Variants in CD163 observed in about 807,000 individuals in gnomAD.
CD163 encodes scavenger receptor cysteine-rich type 1 protein M130.
CD163 carries 64 observed loss-of-function variants against 129.2 expected under a neutral mutation model. The ratio of observed to expected loss-of-function variants is 0.50; its 90% CI spans 0.41 to 0.61. The LOEUF (loss-of-function observed/expected upper bound fraction) is 0.61. Ranked by LOEUF, CD163 falls within the 20% of genes least tolerant of loss-of-function variation. CD163 has a pLI of 0.00. For missense variants in CD163, 1,061 were observed against 1,377.9 expected (o/e 0.77, Z 3.64); for synonymous variants, 446 against 478.5 (o/e 0.93, Z 0.89).
At chr12:7,478,618 T>C (rs1203508675) in intron 16 of CD163, among the ~76,000 whole-genome samples, 3 of 152,084 alleles carry the variant, frequency 2.0e-5, no homozygotes, top group Non-Finnish European at 4.4e-5. Flanking sequence ...TATCTATGTG[T>C]GTATATATAT....
intron 11 of CD163, 166 bp from the exon 12 acceptor site, chr12:7,483,841 A>ATATATATATATATATATATTT: frequency 9.1e-6 from 1 of 109,990 alleles, no homozygotes; most frequent in African/African-American, 3.8e-5. Flanking sequence ...ATATATATAT[A>ATATATATATATATATATATTT]TTTTTTTTTT....
chr12:7,477,848 T>C (rs921927436), intron 16 of CD163, among the ~76,000 whole-genome samples: 1 of 152,188 alleles, frequency 6.6e-6, no homozygotes, highest in Admixed American at 6.6e-5. Context: ...GGAAAAGTAG[T>C]TCAATTATCA....
chr12:7,471,842 T>A (rs1262994679), intron 16 of CD163: 1 of 152,226 alleles, frequency 6.6e-6, no homozygotes, highest in Non-Finnish European at 1.5e-5. Context: ...CACGAACTAC[T>A]GACTTGAAAT....
chr12:7,492,078 C>A (rs1483192711), intron 6 of CD163, among the ~76,000 whole-genome samples: 1 of 152,040 alleles, frequency 6.6e-6, no homozygotes, highest in Non-Finnish European at 1.5e-5. Context: ...AGTATGTCAT[C>A]ATTGAAAGTA....
At chr12:7,497,552 C>A (rs1267832632) in intron 4 of CD163, among the ~76,000 whole-genome samples, 1 of 152,176 alleles carries the variant, frequency 6.6e-6, no homozygotes, top group African/African-American at 2.4e-5. Context: ...ATTGATACTA[C>A]CTAGCCTGTG....
chr12:7,487,333 T>C lies in CD163; in HGVS notation c.2050+26A>G, dbSNP rs1201254698. Reference sequence around the variant, plus strand: ...TATGTACACCTTCTCTTAAGACCCATCACTGGCTGCCCGTCATCCTCTTAC... The same window carrying C: ...TATGTACACCTTCTCTTAAGACCCACCACTGGCTGCCCGTCATCCTCTTAC... On this transcript the variant is annotated intron_variant, in intron 8 of 16. Coordinates refer to ENST00000432237, the MANE Select transcript of CD163 (RefSeq NM_203416.4). This position sits in a 1 kb window ranked among gnomAD's most constrained non-coding sequence, Gnocchi z 5.1. 2 of 1,543,884 alleles carry C rather than the reference T, an allele frequency of 1.3e-6. No homozygotes were observed. The highest frequency in any genetic ancestry group is 1.7e-6 in the Non-Finnish European group (2 of 1,148,364).
chr12:7,482,901 T>G (rs1297850827), intron 13 of CD163, 65 bp downstream of exon 13: 29 of 1,597,310 alleles, frequency 1.8e-5, no homozygotes, highest in Non-Finnish European at 2.3e-5. Context: ...ACCTAAAATT[T>G]CTAAACAAGA....
chr12:7,499,541 A>C (rs1465111583), intron 3 of CD163, among the ~76,000 whole-genome samples: 1 of 152,220 alleles, frequency 6.6e-6, no homozygotes, highest in East Asian at 1.9e-4. Context: ...TAAAGCTTTA[A>C]GTGTATAAAT....
chr12:7,480,113 T>A, intron 15 of CD163, 200 bp from the exon 16 acceptor site: 1 of 891,684 alleles, frequency 1.1e-6, no homozygotes, highest in Non-Finnish European at 1.7e-6. Context: ...ATGTGTGATT[T>A]AAGGGGCAGA....
intron 4 of CD163, among the ~76,000 whole-genome samples, chr12:7,498,434 C>G (rs1166672462): frequency 6.6e-6 from 1 of 152,068 alleles, no homozygotes; most frequent in East Asian, 1.9e-4. Flanking sequence ...ATTCTGTGAA[C>G]TTGAAAAATG....
chr12:7,500,651 C>T (rs983694730), intron 3 of CD163, among the ~76,000 whole-genome samples: 4 of 152,106 alleles, frequency 2.6e-5, no homozygotes, highest in African/African-American at 9.7e-5. Context: ...AGCAATTATA[C>T]TTTCAAAGAA....
intron 6 of CD163, among the ~76,000 whole-genome samples, chr12:7,489,360 C>T (rs1026412926): frequency 1.3e-5 from 2 of 151,982 alleles, no homozygotes; most frequent in Admixed American, 6.6e-5. Flanking sequence ...GAAATTTATG[C>T]CATGATTATA....
chr12:7,491,818 G>C (rs747997246), intron 6 of CD163, among the ~76,000 whole-genome samples: 6 of 152,172 alleles, frequency 3.9e-5, no homozygotes, highest in African/African-American at 1.4e-4. Context: ...GTCCTCTACA[G>C]TACATACACA....
chr12:7,499,004 A>G lies in CD163; in HGVS notation c.642T>C (p.Phe214=). The stretch of plus-strand genomic sequence containing the variant: ...ACCAGATTGGTCCAGAGCCTTCTCC[A>G]AAATTAGATGAACCAGAGAAACTGA... ...SAVSFSGSSN[F]GEGSGPIWFD... is the part of the protein sequence containing the mutation. The change falls in exon 4 of 17, where the codon TTT becomes TTC. Residue 214 remains phenylalanine (F), a synonymous_variant. Coordinates refer to ENST00000432237, the MANE Select transcript of CD163 (RefSeq NM_203416.4). 1 of 1,614,182 alleles carries G rather than the reference A, an allele frequency of 6.2e-7. No homozygotes were observed. The highest frequency in any genetic ancestry group is 8.5e-7 in the Non-Finnish European group (1 of 1,180,022).
chr12:7,481,276 G>A lies in CD163; in HGVS notation c.3248-20C>T. ...AGGAAACTGAAAACAGAGATCCCTAGGTTAGGGATCAGCTATCATAATAAA... is the reference window on the plus strand; with the variant it reads ...AGGAAACTGAAAACAGAGATCCCTAAGTTAGGGATCAGCTATCATAATAAA... On this transcript the variant is annotated intron_variant, in intron 14 of 16. Coordinates refer to ENST00000432237, the MANE Select transcript of CD163 (RefSeq NM_203416.4). 1 of 1,562,882 alleles carries A rather than the reference G, an allele frequency of 6.4e-7. No homozygotes were observed. The highest frequency in any genetic ancestry group is 8.8e-7 in the Non-Finnish European group (1 of 1,133,282).
chr12:7,484,514 C>G (rs1455771839), intron 11 of CD163, among the ~76,000 whole-genome samples: 1 of 151,936 alleles, frequency 6.6e-6, no homozygotes, highest in South Asian at 2.1e-4. Context: ...TGGCTCATGC[C>G]TGTAATCCCA....
intron 16 of CD163, among the ~76,000 whole-genome samples, chr12:7,472,890 G>A (rs1057236405): frequency 6.6e-6 from 1 of 152,128 alleles, no homozygotes; most frequent in African/African-American, 2.4e-5. Flanking sequence ...ATGACCTGAT[G>A]GAGCTGAAAA....
intron 6 of CD163, among the ~76,000 whole-genome samples, chr12:7,489,952 T>C (rs1238626999): frequency 1.3e-5 from 2 of 152,068 alleles, no homozygotes; most frequent in African/African-American, 4.8e-5. Flanking sequence ...TGTGCCTCTG[T>C]AGAAACTTTT....
chr12:7,484,992 T>C, intron 11 of CD163, 104 bp downstream of exon 11: 3 of 1,029,918 alleles, frequency 2.9e-6, no homozygotes, highest in Non-Finnish European at 4.3e-6. Context: ...AATCTAACAA[T>C]TTAAGCCAGT....
Sources: allele counts gnomAD v4.1 joint callset (sites outside exome capture counted in the v4.1 genomes callset), GRCh38; gene constraint gnomAD v4.1.1; non-coding constraint Gnocchi (gnomAD v3.1); transcripts MANE v1.5; gene names NCBI Gene and HGNC (gene_info 2026-07-23, HGNC 2026-07-21).